The following SH2D4B variants were observed in gnomAD, a reference collection of about 807,000 sequenced individuals.
SH2D4B encodes SH2 domain containing 4B.
In SH2D4B, 45 loss-of-function variants were observed where a neutral mutation model predicts 61.5. The ratio of observed to expected loss-of-function variants is 0.73; its 90% CI spans 0.58 to 0.94. The LOEUF is 0.94. Among genes scored for constraint, SH2D4B ranks in the 40% least tolerant of loss-of-function variants. SH2D4B has a pLI of 0.00. For synonymous variants in SH2D4B, 224 were observed against 220.4 expected (o/e 1.02, Z -0.14); for missense variants, 572 against 574.2 (o/e 1.00, Z 0.04).
intron 1 of SH2D4B, among the ~76,000 whole-genome samples, chr10:80,549,199 TTGATTGTGTGTG>T (rs1841722778): frequency 1.1e-4 from 1 of 9,202 alleles, no homozygotes; most frequent in South Asian, 5.7e-3. Context: ...GTGATGGGAC[TTGATTGTGTGTG>T]TGTGTGTGTG....
At chr10:80,544,128 G>A (rs2132101606) in intron 1 of SH2D4B, among the ~76,000 whole-genome samples, 1 of 152,122 alleles carries the variant, frequency 6.6e-6, no homozygotes, top group Admixed American at 6.5e-5. Flanking sequence ...GCTCACTGTG[G>A]GTCCACACTG....
intron 4 of SH2D4B, among the ~76,000 whole-genome samples, chr10:80,597,229 A>G (rs141985482): frequency 3.0e-4 from 46 of 152,280 alleles, no homozygotes; most frequent in Non-Finnish European, 4.6e-4. Context: ...CCGAGGGACA[A>G]TTGTACATCA....
chr10:80,570,336 G>A lies in SH2D4B; in HGVS notation c.347+20G>A. 6.2e-7 allele frequency: 1 copy of A among 1,611,070 alleles called. No individual in the cohort carries two copies. The highest frequency in any genetic ancestry group is 2.2e-5 in the East Asian group (1 of 44,850). On this transcript the variant is annotated intron_variant, in intron 2 of 7. Coordinates refer to ENST00000646907, the MANE Select transcript of SH2D4B (RefSeq NM_001388272.1). The stretch of plus-strand genomic sequence containing the variant: ...GCTCTGGTGAGGGGTGCTATGGGGT[G>A]TTGGGTGGGGCCTAGGCATGGAAGC...
chr10:80,608,235 G>T (rs1019056340), intron 5 of SH2D4B, among the ~76,000 whole-genome samples: 4 of 152,116 alleles, frequency 2.6e-5, no homozygotes, highest in African/African-American at 9.7e-5. Flanking sequence ...GAGGTGGAAG[G>T]AAACAAAACC....
chr10:80,566,770 C>T (rs1841974321), intron 1 of SH2D4B, among the ~76,000 whole-genome samples: 3 of 152,110 alleles, frequency 2.0e-5, no homozygotes, highest in South Asian at 4.1e-4. Flanking sequence ...GCTGCTTTAT[C>T]TTTTCCCCTT....
At chr10:80,600,987 G>C (rs1268045956) in intron 4 of SH2D4B, among the ~76,000 whole-genome samples, 1 of 152,124 alleles carries the variant, frequency 6.6e-6, no homozygotes, top group Non-Finnish European at 1.5e-5. Flanking sequence ...TACAAGGCTG[G>C]TATCATGGTG....
chr10:80,555,647 G>A (rs1250477156), intron 1 of SH2D4B, among the ~76,000 whole-genome samples: 7 of 152,172 alleles, frequency 4.6e-5, no homozygotes, highest in Non-Finnish European at 5.9e-5. Flanking sequence ...GTTGAATGTC[G>A]TGGGGAAATT....
intron 1 of SH2D4B, among the ~76,000 whole-genome samples, chr10:80,555,311 G>A (rs1375447330): frequency 6.6e-6 from 1 of 152,210 alleles, no homozygotes; most frequent in Non-Finnish European, 1.5e-5. Context: ...GAACCAGGAA[G>A]CTGTCTGCAG....
chr10:80,601,590 GC>G (rs1842452602), intron 4 of SH2D4B, among the ~76,000 whole-genome samples: 1 of 152,184 alleles, frequency 6.6e-6, no homozygotes, highest in Non-Finnish European at 1.5e-5. Context: ...CTCTCCACCT[GC>G]CCTCGTGGAG....
In SH2D4B at chr10:80,552,690, A is replaced by G. The variant is rs998392893; in HGVS notation, c.184+14175A>G. Among the ~76,000 whole-genome samples the G allele has an allele frequency of 1.1e-4, 16 of 152,302 alleles. No homozygotes were observed. In the East Asian group the frequency reaches 2.7e-3, roughly 26 times the overall value. On this transcript the variant is annotated intron_variant, in intron 1 of 7. Transcript: ENST00000646907. ...CCCTCTGCTATCTCTCCGAGTGGCT[A>G]GCATTACTGCTTTCCAGGTTTTTCT...
At chr10:80,600,334 T>C (rs1212384468) in intron 4 of SH2D4B, among the ~76,000 whole-genome samples, 2 of 152,260 alleles carry the variant, frequency 1.3e-5, no homozygotes, top group East Asian at 3.8e-4. Flanking sequence ...AGCATGGAGT[T>C]TCTCTGCAGG....
At chr10:80,547,760 G>A (rs113036973) in intron 1 of SH2D4B, among the ~76,000 whole-genome samples, 2 of 152,276 alleles carry the variant, frequency 1.3e-5, no homozygotes, top group African/African-American at 4.8e-5. Flanking sequence ...GGTGTCTAGG[G>A]GTGAGGGACA....
At chr10:80,598,335 A>T (rs1842409865) in intron 4 of SH2D4B, among the ~76,000 whole-genome samples, 1 of 152,164 alleles carries the variant, frequency 6.6e-6, no homozygotes, top group Admixed American at 6.5e-5. Context: ...CTGGTTTCTC[A>T]TTAGGGATGG....
intron 4 of SH2D4B, among the ~76,000 whole-genome samples, chr10:80,599,440 G>A (rs1435243366): frequency 1.3e-5 from 2 of 152,176 alleles, no homozygotes; most frequent in Non-Finnish European, 2.9e-5. Flanking sequence ...CCATGTGGCC[G>A]ATTAGTGTCC....
At chr10:80,587,916 C>T (rs529787586) in intron 3 of SH2D4B, among the ~76,000 whole-genome samples, 5 of 152,260 alleles carry the variant, frequency 3.3e-5, no homozygotes, top group Admixed American at 3.3e-4. Flanking sequence ...CTGCAGAGGA[C>T]GTGACTTCAT....
At chr10:80,619,265 T>C (rs1486151428) in intron 6 of SH2D4B, among the ~76,000 whole-genome samples, 1 of 152,212 alleles carries the variant, frequency 6.6e-6, no homozygotes, top group African/African-American at 2.4e-5. Context: ...GACTTGTTTG[T>C]CAGGCCAGTG....
At chr10:80,568,110 CAG>C (rs1221327540) in intron 1 of SH2D4B, among the ~76,000 whole-genome samples, 3 of 149,138 alleles carry the variant, frequency 2.0e-5, no homozygotes, top group Non-Finnish European at 4.4e-5. Context: ...TTTTTTGAGA[CAG>C]AGTCTTGCTC....
At chr10:80,562,954 T>G (rs1841921468) in intron 1 of SH2D4B, among the ~76,000 whole-genome samples, 1 of 134,714 alleles carries the variant, frequency 7.4e-6, no homozygotes. Flanking sequence ...CAGGCTGGAG[T>G]GCAGTGGCGG....
At chr10:80,577,743 T>C (rs1842143087) in intron 3 of SH2D4B, among the ~76,000 whole-genome samples, 1 of 151,712 alleles carries the variant, frequency 6.6e-6, no homozygotes, top group South Asian at 2.1e-4. Flanking sequence ...TTTGTATTTT[T>C]AGTAGGGACG....
Sources: allele counts gnomAD v4.1 joint callset (sites outside exome capture counted in the v4.1 genomes callset), GRCh38; gene constraint gnomAD v4.1.1; transcripts MANE v1.5; gene names NCBI Gene and HGNC (gene_info 2026-07-23, HGNC 2026-07-21).